Variants in COCH observed in about 807,000 individuals in gnomAD.
COCH encodes cochlin, also known as coagulation factor C homolog, cochlin (Limulus polyphemus).
In COCH, 40 loss-of-function variants were observed where a neutral mutation model predicts 54.8. The ratio of observed to expected loss-of-function variants is 0.73; its 90% CI spans 0.57 to 0.95. COCH has a LOEUF of 0.95. Among genes scored for constraint, COCH ranks in the 40% least tolerant of loss-of-function variants. COCH has a pLI of 0.00. For missense variants in COCH, 605 were observed against 675.0 expected (o/e 0.90, Z 1.15); for synonymous variants, 256 against 237.9 (o/e 1.08, Z -0.70).
Position 30,877,898 on chromosome 14 carries a change from T to C in COCH, c.239+170T>C, listed in dbSNP as rs947574535. 5.9e-5 allele frequency among the ~76,000 whole-genome samples: 9 copies of C among 152,320 alleles called. No homozygotes were observed. Among genetic ancestry groups the C allele is most frequent in the Non-Finnish European group, 1.0e-4 (7 of 68,016 alleles). ...TCCTGGATATACTTGAAACACCAAA[T>C]ACACATGGAAAGCTTTCTGACAAAA... On this transcript the variant is annotated intron_variant, in intron 4 of 11. Transcript: ENST00000396618. This position sits in a 1 kb window ranked among gnomAD's most constrained non-coding sequence, Gnocchi z 8.6.
intron 11 of COCH, 37 bp from the exon 12 acceptor site, chr14:30,889,579 C>T: frequency 3.2e-6 from 5 of 1,583,388 alleles, no homozygotes; most frequent in Non-Finnish European, 4.3e-6. Context: ...TTAGCTAGAC[C>T]TGATTTTCAA....
chr14:30,891,203 A>AAGTT (rs1324725994), downstream of COCH, among the ~76,000 whole-genome samples: 1 of 152,192 alleles, frequency 6.6e-6, no homozygotes. Context: ...AATGCTTGTG[A>AAGTT]AGTTGGTTCC....
chr14:30,893,152 T>A (rs1896030886), downstream of COCH, among the ~76,000 whole-genome samples: 2 of 39,190 alleles, frequency 5.1e-5, no homozygotes, highest in African/African-American at 1.5e-4. Flanking sequence ...AACCACAATT[T>A]TTTTTTTTTT....
At chr14:30,875,850 C>G (rs1402557503) in intron 3 of COCH, 1 of 152,352 alleles carries the variant, frequency 6.6e-6, no homozygotes, top group Non-Finnish European at 1.5e-5. Flanking sequence ...GGTCTTGGCA[C>G]CGGATTCCGA....
At chr14:30,885,716 A>G in intron 10 of COCH, 80 bp from the exon 11 acceptor site, 1 of 1,565,408 alleles carries the variant, frequency 6.4e-7, no homozygotes, top group Admixed American at 1.7e-5. Flanking sequence ...GATTAACTTG[A>G]AACATTCAGG....
chr14:30,886,137 C>G lies in COCH; in HGVS notation c.1302C>G (p.Ile434Met). The G allele has an allele frequency of 2.5e-6, 4 of 1,612,740 alleles. No homozygotes were observed. The highest frequency in any genetic ancestry group is 3.4e-6 in the Non-Finnish European group (4 of 1,178,772). ...YSTKENVLAVIRNIRYMSGGT... is the reference protein window; with the variant it reads ...YSTKENVLAVMRNIRYMSGGT... ...CCAAAGAGAATGTCCTAGCTGTCATCAGAAACATCCGCTATATGAGTGGTG... is the reference window on the plus strand; with the variant it reads ...CCAAAGAGAATGTCCTAGCTGTCATGAGAAACATCCGCTATATGAGTGGTG... Residue 434 changes from isoleucine to methionine, a missense_variant, in exon 11 of 12, where the codon ATC (isoleucine) becomes ATG (methionine). Physicochemically the swap from Ile to Met is conservative, Grantham distance 10. Transcript: ENST00000396618.
At chr14:30,884,805 A>G (rs1314351251) in intron 9 of COCH, 149 bp downstream of exon 9, 2 of 1,356,174 alleles carry the variant, frequency 1.5e-6, no homozygotes, top group East Asian at 2.5e-5. Flanking sequence ...ATCATCTGAG[A>G]TAAATTTTCA....
chr14:30,885,270 G>T, intron 9 of COCH, 124 bp from the exon 10 acceptor site: 4 of 982,540 alleles, frequency 4.1e-6, no homozygotes, highest in Non-Finnish European at 6.2e-6. Context: ...TTTTTTGTGT[G>T]CCCCGCCCCA....
chr14:30,876,201 T>C (rs972919116), intron 3 of COCH: 2 of 152,234 alleles, frequency 1.3e-5, no homozygotes, highest in Non-Finnish European at 2.9e-5. Context: ...AAAAATAGCA[T>C]TTAATAACAT....
chr14:30,884,353 A>G (rs1895709769), intron 8 of COCH, 200 bp from the exon 9 acceptor site: 1 of 568,594 alleles, frequency 1.8e-6, no homozygotes, highest in Non-Finnish European at 3.1e-6. Flanking sequence ...TAAATCCTCA[A>G]TATGGCAATT....
chr14:30,877,730 T>TA lies in COCH; in HGVS notation c.239+4dup. The TA allele has an allele frequency of 1.2e-6, 2 of 1,614,166 alleles. No individual in the cohort carries two copies. Among genetic ancestry groups the TA allele is most frequent in the Non-Finnish European group, 1.7e-6 (2 of 1,180,038 alleles). On this transcript the variant is annotated splice_region_variant and intron_variant, in intron 4 of 11. Coordinates refer to ENST00000396618, the MANE Select transcript of COCH (RefSeq NM_004086.3). This position sits in a 1 kb window ranked among gnomAD's most constrained non-coding sequence, Gnocchi z 8.6. The stretch of plus-strand genomic sequence containing the variant: ...CATATGTGGGGCTGCTGTCCACAGG[T>TA]AAGCCCAAACACACCAGGGTGGGAG...
intron 9 of COCH, chr14:30,885,089 G>A (rs1293378115): frequency 1.9e-6 from 3 of 1,570,980 alleles, no homozygotes; most frequent in Admixed American, 1.9e-5. Flanking sequence ...ATGCATGGAA[G>A]TGGGAATCAG....
intron 1 of COCH, 147 bp from the exon 2 acceptor site, chr14:30,874,769 A>C (rs1345508880): frequency 2.7e-6 from 2 of 746,780 alleles, no homozygotes; most frequent in Non-Finnish European, 4.6e-6. Context: ...TCCCAGACCT[A>C]GAGGGGCGCT....
rs894125269 is a variant in COCH at position 30,890,504 on chromosome 14, A to T, written c.*713A>T. 1 of 917,566 alleles carries T rather than the reference A, an allele frequency of 1.1e-6. No individual in the cohort carries two copies. Among genetic ancestry groups the T allele is most frequent in the Admixed American group, 6.3e-5 (1 of 15,910 alleles). 56.8% of individuals were successfully genotyped at this position (917,566 alleles called of 1,614,324 possible). The stretch of plus-strand genomic sequence containing the variant: ...CTAAGTACTTAAAAGTTAAGTTGGT[A>T]AAGTATTTACTGACTGCTTATAAAC... On this transcript the variant is annotated 3_prime_UTR_variant, in exon 12 of 12. Transcript: ENST00000396618.
intron 3 of COCH, chr14:30,875,610 A>C: frequency 2.9e-6 from 1 of 340,644 alleles, no homozygotes; most frequent in Non-Finnish European, 5.2e-6. Flanking sequence ...TATAATCAGA[A>C]GCACTCGCGG....
chr14:30,895,345 G>C, downstream of COCH: 1 of 1,480,024 alleles, frequency 6.8e-7, no homozygotes, highest in South Asian at 1.3e-5. Context: ...TAACCTTTCT[G>C]ATGGCAGTGA....
chr14:30,891,178 CATT>C (rs201749593), downstream of COCH, among the ~76,000 whole-genome samples: 7 of 152,150 alleles, frequency 4.6e-5, no homozygotes, highest in African/African-American at 7.2e-5. Context: ...TAATTGACAT[CATT>C]TTTTACTTAA....
Position 30,889,687 on chromosome 14 carries a change from A to G in COCH, c.1549A>G (p.Lys517Glu), listed in dbSNP as rs759022387. The G allele has an allele frequency of 6.8e-6, 11 of 1,614,008 alleles. No individual in the cohort carries two copies. Among genetic ancestry groups the G allele is most frequent in the Non-Finnish European group, 9.3e-6 (11 of 1,179,880 alleles). ...CCTGAAAGATATGGCTTCTAAACCG[A>G]AGGAGTCTCATGCTTTCTTCACAAG... ...DDLKDMASKP[K>E]ESHAFFTREF... Residue 517 changes from lysine to glutamate, a missense_variant, in exon 12 of 12, where the codon AAG becomes GAG. Physicochemically the swap from Lys to Glu is moderately conservative, Grantham distance 56. Transcript: ENST00000396618.
chr14:30,885,204 A>G, intron 9 of COCH, 190 bp from the exon 10 acceptor site: 7 of 1,022,926 alleles, frequency 6.8e-6, no homozygotes, highest in Non-Finnish European at 1.0e-5. Flanking sequence ...GGCCTGGTAG[A>G]TAATTAAACT....
Sources: allele counts gnomAD v4.1 joint callset (sites outside exome capture counted in the v4.1 genomes callset), GRCh38; gene constraint gnomAD v4.1.1; non-coding constraint Gnocchi (gnomAD v3.1); transcripts MANE v1.5; gene names NCBI Gene and HGNC (gene_info 2026-07-23, HGNC 2026-07-21).